The following DGKG variants were observed in gnomAD, a reference collection of about 807,000 sequenced individuals.
The protein encoded by DGKG is diacylglycerol kinase gamma.
A neutral mutation model predicts 105.3 loss-of-function variants in DGKG; 78 were observed. That is an observed-to-expected ratio of 0.74 (90% CI 0.62 to 0.89). The LOEUF is 0.89. DGKG is among the 40% of genes least tolerant of loss of function. The pLI is 0.00. For synonymous variants in DGKG, 346 were observed against 367.1 expected (o/e 0.94, Z 0.66); for missense variants, 958 against 1,020.1 (o/e 0.94, Z 0.83).
chr3:186,186,255 G>A (rs1255293977), intron 22 of DGKG, among the ~76,000 whole-genome samples: 3 of 152,038 alleles, frequency 2.0e-5, no homozygotes, highest in East Asian at 1.9e-4. Context: ...CCCAACCCCC[G>A]CCTTGATGTC....
chr3:186,169,460 C>T (rs970906258), intron 22 of DGKG, among the ~76,000 whole-genome samples: 1 of 152,176 alleles, frequency 6.6e-6, no homozygotes, highest in African/African-American at 2.4e-5. Flanking sequence ...ATCAACTGCT[C>T]TTCACAGTTA....
intron 3 of DGKG, among the ~76,000 whole-genome samples, chr3:186,299,828 T>TCTTC (rs1560141992): frequency 8.9e-5 from 8 of 90,308 alleles, no homozygotes; most frequent in African/African-American, 2.2e-4. Flanking sequence ...TTTCTTTCTT[T>TCTTC]CTTTCTTTCT....
chr3:186,216,070 C>T (rs1037357907), intron 20 of DGKG, among the ~76,000 whole-genome samples: 2 of 151,892 alleles, frequency 1.3e-5, no homozygotes, highest in Non-Finnish European at 2.9e-5. Flanking sequence ...ACAATCTTGG[C>T]TCACTGCAAC....
chr3:186,272,387 G>A (rs1455098856), intron 10 of DGKG, 44 bp from the exon 11 acceptor site: 35 of 1,448,930 alleles, frequency 2.4e-5, no homozygotes, highest in East Asian at 4.5e-5. Flanking sequence ...GAATAGCCAC[G>A]TAGGAAAGGC....
At chr3:186,319,598 G>T (rs945486371) in intron 2 of DGKG, among the ~76,000 whole-genome samples, 6 of 152,166 alleles carry the variant, frequency 3.9e-5, no homozygotes, top group African/African-American at 1.4e-4. Flanking sequence ...AAGATGAAGG[G>T]CCTCCTGGAA....
In DGKG at chr3:186,148,887, T is replaced by A. The variant is rs1449114082; in HGVS notation, c.*1203A>T. ...GGGGGAGTGAGAACCTTCTTTTTCC[T>A]TACCACTTTCTGTCTCATACTACCT... On this transcript the variant is annotated 3_prime_UTR_variant, in exon 25 of 25. Coordinates refer to ENST00000265022, the MANE Select transcript of DGKG (RefSeq NM_001346.3). 1 of 983,416 alleles carries A rather than the reference T, an allele frequency of 1.0e-6. No individual in the cohort carries two copies. The highest frequency in any genetic ancestry group is 1.2e-6 in the Non-Finnish European group (1 of 829,364). 60.9% of individuals were successfully genotyped at this position (983,416 alleles called of 1,614,324 possible). A position where few individuals can be genotyped will look rare whatever the true frequency, so the allele number is the denominator to read the frequency against.
chr3:186,200,011 T>TA (rs1718372283), intron 21 of DGKG, among the ~76,000 whole-genome samples: 4 of 152,204 alleles, frequency 2.6e-5, no homozygotes, highest in Non-Finnish European at 4.4e-5. Context: ...TGTGCTTTGT[T>TA]ACCTATGAGA....
chr3:186,181,943 A>G (rs2108495210), intron 22 of DGKG, among the ~76,000 whole-genome samples: 1 of 152,362 alleles, frequency 6.6e-6, no homozygotes, highest in African/African-American at 2.4e-5. Flanking sequence ...GGAAATATGC[A>G]GGAAGCCTCT....
At chr3:186,305,177 A>G (rs560561056) in intron 3 of DGKG, among the ~76,000 whole-genome samples, 1 of 152,314 alleles carries the variant, frequency 6.6e-6, no homozygotes, top group East Asian at 1.9e-4. Context: ...AGGTGGTGAG[A>G]AGTACTTAGG....
chr3:186,343,640 C>T (rs906943277), intron 1 of DGKG, among the ~76,000 whole-genome samples: 1 of 152,132 alleles, frequency 6.6e-6, no homozygotes, highest in Admixed American at 6.6e-5. Flanking sequence ...AAACTATCAA[C>T]AGCGTGAGCA....
At chr3:186,290,284 A>T (rs2108605351) in intron 5 of DGKG, among the ~76,000 whole-genome samples, 1 of 152,330 alleles carries the variant, frequency 6.6e-6, no homozygotes, top group African/African-American at 2.4e-5. Flanking sequence ...GGATAGTGAG[A>T]TAGGGGAGGT....
At chr3:186,261,839 G>T in intron 14 of DGKG, 61 bp from the exon 15 acceptor site, 2 of 1,114,566 alleles carry the variant, frequency 1.8e-6, no homozygotes, top group African/African-American at 1.6e-5. Flanking sequence ...CGTGAGATGA[G>T]AGTTGAAGCC....
chr3:186,183,234 A>T (rs1717443022), intron 22 of DGKG, among the ~76,000 whole-genome samples: 1 of 152,172 alleles, frequency 6.6e-6, no homozygotes, highest in Admixed American at 6.5e-5. Flanking sequence ...CTTGGTTCTG[A>T]TGCCACCACT....
chr3:186,169,043 TC>T (rs1716693072), intron 22 of DGKG, among the ~76,000 whole-genome samples: 1 of 152,242 alleles, frequency 6.6e-6, no homozygotes. Flanking sequence ...GAAACTAAGT[TC>T]ATACAAATAT....
intron 1 of DGKG, among the ~76,000 whole-genome samples, chr3:186,327,390 C>CTT (rs36076414): frequency 9.6e-5 from 13 of 135,996 alleles, no homozygotes; most frequent in East Asian, 4.2e-4. Flanking sequence ...TTTTCTTCTT[C>CTT]TTTTTTTTTT....
At chr3:186,188,494 G>C in intron 21 of DGKG, 115 bp from the exon 22 acceptor site, 1 of 1,036,494 alleles carries the variant, frequency 9.6e-7, no homozygotes, top group Non-Finnish European at 1.4e-6. Flanking sequence ...GATGTGACAG[G>C]TCCTCAGCCA....
At chr3:186,278,339 G>T (rs989073569) in intron 9 of DGKG, among the ~76,000 whole-genome samples, 4 of 152,186 alleles carry the variant, frequency 2.6e-5, no homozygotes, top group African/African-American at 9.7e-5. Context: ...TCAGCAGAAA[G>T]CATATCTAAC....
chr3:186,225,740 C>T (rs386503436), intron 20 of DGKG, among the ~76,000 whole-genome samples: 1 of 152,282 alleles, frequency 6.6e-6, no homozygotes, highest in Non-Finnish European at 1.5e-5. Context: ...AACTGCCTGC[C>T]TCTGCATGCG....
At chr3:186,277,659 G>A (rs1425322661) in intron 9 of DGKG, among the ~76,000 whole-genome samples, 1 of 152,194 alleles carries the variant, frequency 6.6e-6, no homozygotes, top group African/African-American at 2.4e-5. Flanking sequence ...TATAAGAAGT[G>A]CATGGACCGT....
Sources: allele counts gnomAD v4.1 joint callset (sites outside exome capture counted in the v4.1 genomes callset), GRCh38; gene constraint gnomAD v4.1.1; transcripts MANE v1.5; gene names NCBI Gene and HGNC (gene_info 2026-07-23, HGNC 2026-07-21).